NDST4: variants seen among roughly 807,000 people sequenced by gnomAD.
The protein encoded by NDST4 is N-heparan sulfate sulfotransferase 4.
Under a neutral mutation model 100.8 loss-of-function variants are expected in NDST4, and 63 were observed. That is an observed-to-expected ratio of 0.62 (90% CI 0.51 to 0.77). The LOEUF (loss-of-function observed/expected upper bound fraction) is 0.77, where lower values mean the gene tolerates loss of function less well. Ranked by LOEUF, NDST4 falls within the 30% of genes least tolerant of loss-of-function variation. The pLI, the probability that NDST4 is intolerant of heterozygous loss-of-function variation, is 0.00. For synonymous variants in NDST4, 377 were observed against 361.8 expected (o/e 1.04, Z -0.48); for missense variants, 943 against 1,018.4 (o/e 0.93, Z 1.01).
chr4:115,018,042 A>G (rs1023343503), intron 2 of NDST4, among the ~76,000 whole-genome samples: 6 of 152,006 alleles, frequency 3.9e-5, no homozygotes, highest in Admixed American at 3.9e-4. Flanking sequence ...GAACCACAAC[A>G]AACATCTCTC....
chr4:115,037,995 A>C (rs1728269199), intron 2 of NDST4, among the ~76,000 whole-genome samples: 1 of 152,190 alleles, frequency 6.6e-6, no homozygotes, highest in Non-Finnish European at 1.5e-5. Flanking sequence ...GCTGAAGGAA[A>C]AATCCGAAAG....
chr4:115,090,632 T>G (rs1031234655), intron 1 of NDST4, among the ~76,000 whole-genome samples: 9 of 152,070 alleles, frequency 5.9e-5, no homozygotes, highest in Non-Finnish European at 1.2e-4. Flanking sequence ...TTTGATTTTT[T>G]TAATGGGTAT....
chr4:115,019,597 C>T (rs1485441765), intron 2 of NDST4, among the ~76,000 whole-genome samples: 2 of 152,056 alleles, frequency 1.3e-5, no homozygotes, highest in Non-Finnish European at 2.9e-5. Flanking sequence ...ATGAAGTCGT[C>T]GGGGCATAAA....
At chr4:115,021,370 C>CAT (rs1315379039) in intron 2 of NDST4, among the ~76,000 whole-genome samples, 1 of 146,314 alleles carries the variant, frequency 6.8e-6, no homozygotes, top group African/African-American at 2.7e-5. Flanking sequence ...ATATACATTC[C>CAT]ATATATATAT....
At chr4:114,937,252 G>A in intron 5 of NDST4, 66 bp downstream of exon 5, 1 of 1,515,326 alleles carries the variant, frequency 6.6e-7, no homozygotes, top group Non-Finnish European at 9.1e-7. Context: ...AGAGGAAATG[G>A]CCCTCTGTCT....
intron 4 of NDST4, among the ~76,000 whole-genome samples, chr4:114,966,104 T>C (rs1726375512): frequency 1.3e-5 from 2 of 152,136 alleles, no homozygotes; most frequent in South Asian, 4.2e-4. Flanking sequence ...CATATTTCGG[T>C]TGACTATGCT....
rs536942153 is a variant in NDST4 at position 114,986,079 on chromosome 4, GA to G, written c.979-8806del. ...TTTCATTGCATTAGGAGTATTTTTTGAATACTGGAAGTTTAAACGTTGATAC... is the reference window on the plus strand; with the variant it reads ...TTTCATTGCATTAGGAGTATTTTTTGATACTGGAAGTTTAAACGTTGATAC... On this transcript the variant is annotated intron_variant, in intron 2 of 13. Coordinates refer to ENST00000264363, the MANE Select transcript of NDST4 (RefSeq NM_022569.3). Among the ~76,000 whole-genome samples, 289 of 152,180 alleles carry G rather than the reference GA, an allele frequency of 1.9e-3. 1 individual carries two copies. Among genetic ancestry groups the G allele is most frequent in the African/African-American group, 6.8e-3 (284 of 41,512 alleles).
chr4:114,890,036 A>G (rs1440106370), intron 6 of NDST4, among the ~76,000 whole-genome samples: 1 of 152,162 alleles, frequency 6.6e-6, no homozygotes, highest in Non-Finnish European at 1.5e-5. Flanking sequence ...AATGCTTTAT[A>G]TCACTCCAAA....
chr4:114,947,011 T>C (rs1030869250), intron 4 of NDST4, among the ~76,000 whole-genome samples: 7 of 152,036 alleles, frequency 4.6e-5, no homozygotes, highest in Non-Finnish European at 8.8e-5. Flanking sequence ...GAAACAAGAT[T>C]ATCAGCTGAG....
chr4:115,019,593 T>A (rs1004708002), intron 2 of NDST4, among the ~76,000 whole-genome samples: 8 of 152,204 alleles, frequency 5.3e-5, no homozygotes, highest in Middle Eastern at 3.4e-3. Context: ...ACTTATGAAG[T>A]CGTCGGGGCA....
chr4:114,903,965 G>A (rs1724898385), intron 6 of NDST4, among the ~76,000 whole-genome samples: 1 of 151,914 alleles, frequency 6.6e-6, no homozygotes, highest in Non-Finnish European at 1.5e-5. Flanking sequence ...CTTAGTTTGG[G>A]ATTTCTTTGA....
chr4:115,085,140 A>G (rs1344091598), intron 1 of NDST4, among the ~76,000 whole-genome samples: 4 of 152,104 alleles, frequency 2.6e-5, no homozygotes, highest in Admixed American at 1.3e-4. Flanking sequence ...TAATTTTGGA[A>G]CTTTAAGCTT....
intron 4 of NDST4, among the ~76,000 whole-genome samples, chr4:114,950,469 G>C (rs1725965996): frequency 6.6e-6 from 1 of 151,970 alleles, no homozygotes; most frequent in Admixed American, 6.6e-5. Context: ...GTTAAGGTTT[G>C]GTAAAATGTT....
chr4:115,067,204 G>C (rs1728967875), intron 2 of NDST4, among the ~76,000 whole-genome samples: 1 of 152,002 alleles, frequency 6.6e-6, no homozygotes, highest in Admixed American at 6.6e-5. Context: ...AATTCTTGCT[G>C]CCTGGACTCC....
intron 7 of NDST4, among the ~76,000 whole-genome samples, chr4:114,870,421 G>T (rs950566327): frequency 6.6e-6 from 1 of 151,906 alleles, no homozygotes. Flanking sequence ...TATTTCCCTA[G>T]ATATCTACTG....
intron 6 of NDST4, among the ~76,000 whole-genome samples, chr4:114,923,147 A>G (rs1725322088): frequency 6.6e-6 from 1 of 152,238 alleles, no homozygotes; most frequent in South Asian, 2.1e-4. Context: ...TAGCATTTAC[A>G]TACATACTCC....
intron 7 of NDST4, among the ~76,000 whole-genome samples, chr4:114,867,922 G>A (rs1260341196): frequency 6.6e-6 from 1 of 152,070 alleles, no homozygotes; most frequent in East Asian, 1.9e-4. Context: ...TGCGTTTTGT[G>A]CTCTACTTAT....
intron 2 of NDST4, among the ~76,000 whole-genome samples, chr4:114,989,068 C>T (rs1222378440): frequency 6.6e-6 from 1 of 152,018 alleles, no homozygotes; most frequent in African/African-American, 2.4e-5. Context: ...TGACTCAGCC[C>T]TATTTAAAGT....
intron 12 of NDST4, 55 bp downstream of exon 12, chr4:114,833,551 G>T: frequency 8.6e-7 from 1 of 1,157,446 alleles, no homozygotes; most frequent in Non-Finnish European, 1.3e-6. Flanking sequence ...ACCTACCAGT[G>T]ATAATTTATG....
Sources: gnomAD v4.1 joint callset for allele counts (sites outside exome capture counted in the v4.1 genomes callset) on GRCh38, gnomAD v4.1.1 for gene constraint, MANE v1.5 for transcripts, NCBI Gene and HGNC (gene_info 2026-07-23, HGNC 2026-07-21) for gene names.